Variants in ADCY6 observed in about 807,000 individuals in gnomAD.
ADCY6 encodes adenylate cyclase type 6.
Under a neutral mutation model 111.6 loss-of-function variants are expected in ADCY6, and 59 were observed. The ratio of observed to expected loss-of-function variants is 0.53; its 90% CI spans 0.43 to 0.66. The LOEUF (loss-of-function observed/expected upper bound fraction) is 0.66. Among genes scored for constraint, ADCY6 ranks in the 30% least tolerant of loss-of-function variants. The pLI is 0.00. For missense variants in ADCY6, 1,242 were observed against 1,595.6 expected, an observed-to-expected ratio of 0.78 and a Z score of 3.78; for synonymous variants, 576 against 642.9, an observed-to-expected ratio of 0.90 and a Z score of 1.57.
chr12:48,781,693 T>G (rs763988090), intron 2 of ADCY6, among the ~76,000 whole-genome samples: 3 of 152,168 alleles, frequency 2.0e-5, no homozygotes, highest in Non-Finnish European at 4.4e-5. Flanking sequence ...TATTCCAGCT[T>G]TGCAGACTGG....
In ADCY6 at chr12:48,771,668, T is replaced by C. The variant is rs757753382; in HGVS notation, c.3051+42A>G. Reference sequence around the variant, plus strand: ...CCCATTCCAATCCCTGGTCTCCAAGTACCCCCCACTCTCTGCCACCACCAG... The same window carrying C: ...CCCATTCCAATCCCTGGTCTCCAAGCACCCCCCACTCTCTGCCACCACCAG... On this transcript the variant is annotated intron_variant, in intron 19 of 21. Coordinates refer to ENST00000357869, the MANE Select transcript of ADCY6 (RefSeq NM_015270.5). The surrounding 1 kb of genome is among the most constrained non-coding windows in gnomAD (Gnocchi z 4.3). 7 of 1,611,786 alleles carry C rather than the reference T, an allele frequency of 4.3e-6. No homozygotes were observed. The highest frequency in any genetic ancestry group is 5.1e-6 in the Non-Finnish European group (6 of 1,179,904).
At chr12:48,772,019 G>A (rs1239256164) in intron 18 of ADCY6, 46 bp from the exon 19 acceptor site, 2 of 1,570,674 alleles carry the variant, frequency 1.3e-6, no homozygotes, top group Non-Finnish European at 1.7e-6. Context: ...TTCACAAGGG[G>A]TAGGTGTGGT....
Position 48,773,971 on chromosome 12 carries a change from T to G in ADCY6, c.2411A>C (p.Glu804Ala). ...YSLGLDAPLC[E>A]GTMPTCSFPE... ...AAAGCTGCAGGTGGGCATGGTGCCC[T>G]CACACAGGGGAGCATCCAGGCCCAG... The change falls in exon 15 of 22, where the codon GAG (glutamate) becomes GCG (alanine). Residue 804 changes from glutamate (E) to alanine (A), a missense_variant. Coordinates refer to ENST00000357869, the MANE Select transcript of ADCY6 (RefSeq NM_015270.5). The G allele has an allele frequency of 6.2e-7, 1 of 1,613,856 alleles. No homozygotes were observed.
chr12:48,775,014 G>A lies in ADCY6; in HGVS notation c.2021C>T (p.Ala674Val). The stretch of plus-strand genomic sequence containing the variant: ...GAAGCAGAAGACCAACAGGGCACAG[G>A]CAACGTAGGCTCCGAAGCGGGGATC... Reference protein sequence around the residue: ...KVDPRFGAYVACALLVFCFIC... With the variant: ...KVDPRFGAYVVCALLVFCFIC... The change falls in exon 12 of 22, where the codon GCC (alanine) becomes GTC (valine). Residue 674 changes from alanine (A) to valine (V), a missense_variant. Transcript: ENST00000357869. 1 of 1,558,270 alleles carries A rather than the reference G, an allele frequency of 6.4e-7. No homozygotes were observed. The highest frequency in any genetic ancestry group is 8.7e-7 in the Non-Finnish European group (1 of 1,150,646).
In ADCY6 at chr12:48,768,430, G is replaced by T; in HGVS notation, c.*161C>A. ...GTAGCCCCTTGTTTTCCAGCTTGAGGGCAGACGAGCATGATCCAAGCACAG... is the reference window on the plus strand; with the variant it reads ...GTAGCCCCTTGTTTTCCAGCTTGAGTGCAGACGAGCATGATCCAAGCACAG... On this transcript the variant is annotated 3_prime_UTR_variant, in exon 22 of 22. Transcript: ENST00000357869. The T allele has an allele frequency of 9.8e-7, 1 of 1,020,488 alleles. No individual in the cohort carries two copies. 63.2% of individuals were successfully genotyped at this position (1,020,488 alleles called of 1,614,324 possible). A position where few individuals can be genotyped will look rare whatever the true frequency, so the allele number is the denominator to read the frequency against.
rs1941411292 is a variant in ADCY6 at position 48,767,643 on chromosome 12, T to C, written c.*948A>G. The C allele has an allele frequency of 3.3e-5, 5 of 152,650 alleles. No individual in the cohort carries two copies. The highest frequency in any genetic ancestry group is 2.6e-4 in the Admixed American group (4 of 15,276). The allele number at this position is 152,650 out of a possible 1,614,324, so 9.5% of individuals were successfully genotyped here. ...CTTTCTCCATGCCCTGACCCTTTTC[T>C]ATTTGGCAACAGAAGAGGAAGAGAT... On this transcript the variant is annotated 3_prime_UTR_variant, in exon 22 of 22. Transcript: ENST00000357869.
rs753383547 is a variant in ADCY6 at position 48,771,896 on chromosome 12, G to A, written c.2865C>T (p.Asp955=). 57 of 1,614,066 alleles carry A rather than the reference G, an allele frequency of 3.5e-5. No individual in the cohort carries two copies. The highest frequency in any genetic ancestry group is 1.1e-4 in the East Asian group (5 of 44,900). The change falls in exon 19 of 22, where the codon GAC becomes GAT. Residue 955 remains aspartate (D), a synonymous_variant. Transcript: ENST00000357869. The surrounding 1 kb of genome is among the most constrained non-coding windows in gnomAD (Gnocchi z 4.3). ...CCCGGGCCAGGAAGTGGGCCGCCAC[G>A]TCCTTGGGCAGAATGTTATGCAGCA... ...RRLLHNILPK[D]VAAHFLARER...
At position 48,783,149 on chromosome 12, in the gene ADCY6, C is replaced by A. The variant is rs1475717128; in HGVS notation, c.286G>T (p.Val96Leu). Reference protein sequence around the residue: ...AVALGFEDTEVTTTAGGTAEV... With the variant: ...AVALGFEDTELTTTAGGTAEV... ...GCCGTCCCGCCCGCTGTCGTTGTCA[C>A]CTCGGTATCCTCGAAGCCCAGGGCC... The change falls in exon 2 of 22, where the codon GTG (valine) becomes TTG (leucine). Residue 96 changes from valine to leucine, a missense_variant. This residue lies in a region of ADCY6 where 362 missense variants were observed against 377.2 expected (regional missense o/e 0.96). Transcript: ENST00000357869. 6.2e-7 allele frequency: 1 copy of A among 1,607,362 alleles called. No homozygotes were observed. Among genetic ancestry groups the A allele is most frequent in the African/African-American group, 1.3e-5 (1 of 74,928 alleles).
At chr12:48,781,485 G>A (rs1941843918) in intron 2 of ADCY6, among the ~76,000 whole-genome samples, 1 of 152,170 alleles carries the variant, frequency 6.6e-6, no homozygotes, top group Non-Finnish European at 1.5e-5. Context: ...CCCTGGGCAG[G>A]GGGGTAACAG....
chr12:48,768,439 G>A lies in ADCY6; in HGVS notation c.*152C>T. 2 of 1,123,132 alleles carry A rather than the reference G, an allele frequency of 1.8e-6. No individual in the cohort carries two copies. The highest frequency in any genetic ancestry group is 2.6e-6 in the Non-Finnish European group (2 of 770,680). The allele number at this position is 1,123,132 out of a possible 1,614,324, so 69.6% of individuals were successfully genotyped here. ...TGTTTTCCAGCTTGAGGGCAGACGA[G>A]CATGATCCAAGCACAGCCTGCTGGG... is the stretch of plus-strand genomic sequence containing the variant. On this transcript the variant is annotated 3_prime_UTR_variant, in exon 22 of 22. Coordinates refer to ENST00000357869, the MANE Select transcript of ADCY6 (RefSeq NM_015270.5).
At position 48,767,116 on chromosome 12, in the gene ADCY6, T is replaced by G. The variant is rs552251224; in HGVS notation, c.*1475A>C. On this transcript the variant is annotated 3_prime_UTR_variant, in exon 22 of 22. Transcript: ENST00000357869. ...ACCAGTATCCAGGTCCTCAGAGGGA[T>G]TCCATGCTACCCCAGCCCCAAAGCA... 1 of 152,758 alleles carries G rather than the reference T, an allele frequency of 6.5e-6. No individual in the cohort carries two copies. Among genetic ancestry groups the G allele is most frequent in the African/African-American group, 2.4e-5 (1 of 41,554 alleles). 9.5% of individuals were successfully genotyped at this position (152,758 alleles called of 1,614,324 possible).
intron 12 of ADCY6, 47 bp from the exon 13 acceptor site, chr12:48,774,825 G>A: frequency 1.3e-6 from 2 of 1,584,076 alleles, no homozygotes; most frequent in Non-Finnish European, 1.7e-6. Context: ...TGGAAGATCT[G>A]GGCATTCTTG....
intron 20 of ADCY6, among the ~76,000 whole-genome samples, chr12:48,769,855 G>A (rs542010169): frequency 4.9e-4 from 73 of 147,482 alleles, no homozygotes; most frequent in South Asian, 2.6e-3. Context: ...TCCGCCTCCC[G>A]GGTTCACACC....
chr12:48,777,252 G>A lies in ADCY6; in HGVS notation c.1249-21C>T, dbSNP rs745739519. 3 of 1,608,760 alleles carry A rather than the reference G, an allele frequency of 1.9e-6. No individual in the cohort carries two copies. Among genetic ancestry groups the A allele is most frequent in the East Asian group, 2.2e-5 (1 of 44,860 alleles). On this transcript the variant is annotated intron_variant, in intron 5 of 21. Transcript: ENST00000357869. The surrounding 1 kb of genome is among the most constrained non-coding windows in gnomAD (Gnocchi z 4.9). ...TTCTCCTGAATGGGAAGGAATTGGA[G>A]GGAAGGGTAACCTTTACTCTCTTGC...
rs781317905 is a variant in ADCY6 at position 48,777,765 on chromosome 12, C to T, written c.1015-29G>A. 1.9e-6 allele frequency: 3 copies of T among 1,612,612 alleles called. No individual in the cohort carries two copies. The highest frequency in any genetic ancestry group is 1.7e-6 in the Non-Finnish European group (2 of 1,179,350). ...GCCCAGTGGTTCCAATAGGGCATCA[C>T]TATACTCTTGGTCTCACATTGCAAT... On this transcript the variant is annotated intron_variant, in intron 3 of 21. Transcript: ENST00000357869. This position sits in a 1 kb window ranked among gnomAD's most constrained non-coding sequence, Gnocchi z 4.9.
chr12:48,771,678 T>C lies in ADCY6; in HGVS notation c.3051+32A>G, dbSNP rs774162371. 8.1e-6 allele frequency: 13 copies of C among 1,612,628 alleles called. No homozygotes were observed. The highest frequency in any genetic ancestry group is 2.2e-5 in the East Asian group (1 of 44,894). ...TCCCTGGTCTCCAAGTACCCCCCACTCTCTGCCACCACCAGCCAACTGGAA... is the reference window on the plus strand; with the variant it reads ...TCCCTGGTCTCCAAGTACCCCCCACCCTCTGCCACCACCAGCCAACTGGAA... On this transcript the variant is annotated intron_variant, in intron 19 of 21. Transcript: ENST00000357869. This position sits in a 1 kb window ranked among gnomAD's most constrained non-coding sequence, Gnocchi z 4.3.
In ADCY6 at chr12:48,783,324, G is replaced by A; in HGVS notation, c.111C>T (p.Gly37=). The part of the protein sequence containing the change: ...RSRRRGTRAG[G]FCTPRYMSCL... The stretch of plus-strand genomic sequence containing the variant: ...AGCTCATATAGCGGGGCGTGCAGAA[G>A]CCACCTGCCCGAGTGCCACGGCGCC... The change falls in exon 2 of 22, where the codon GGC becomes GGT. Residue 37 remains glycine (G), a synonymous_variant. Coordinates refer to ENST00000357869, the MANE Select transcript of ADCY6 (RefSeq NM_015270.5). 6.2e-7 allele frequency: 1 copy of A among 1,613,916 alleles called. No individual in the cohort carries two copies.
chr12:48,774,184 CT>C, intron 14 of ADCY6, 86 bp from the exon 15 acceptor site: 3 of 1,341,200 alleles, frequency 2.2e-6, no homozygotes, highest in Non-Finnish European at 3.1e-6. Context: ...CTAACCTGGG[CT>C]ATGCCCAGGT....
At position 48,778,673 on chromosome 12, in the gene ADCY6, G is replaced by A. The variant is rs577639267; in HGVS notation, c.865-416C>T. On this transcript the variant is annotated intron_variant, in intron 2 of 21. Transcript: ENST00000357869. Reference sequence around the variant, plus strand: ...CTACATCCTCCTGTGAGTGACCCAGGACAAGTCACCTCCTCTCTCTTGGGT... The same window carrying A: ...CTACATCCTCCTGTGAGTGACCCAGAACAAGTCACCTCCTCTCTCTTGGGT... 2.0e-5 allele frequency among the ~76,000 whole-genome samples: 3 copies of A among 152,200 alleles called. No homozygotes were observed. In the East Asian group the frequency reaches 5.8e-4, roughly 29 times the overall value.
Sources: gnomAD v4.1 joint callset for allele counts (sites outside exome capture counted in the v4.1 genomes callset) on GRCh38, gnomAD v4.1.1 for gene constraint, gnomAD v4.1.1 regional missense constraint, Gnocchi (gnomAD v3.1) non-coding constraint, MANE v1.5 for transcripts, NCBI Gene and HGNC (gene_info 2026-07-23, HGNC 2026-07-21) for gene names.